Variants in LIPG observed in about 807,000 individuals in gnomAD.
The protein encoded by LIPG is endothelial lipase.
A neutral mutation model predicts 51.8 loss-of-function variants in LIPG; 34 were observed. The observed-to-expected ratio is 0.66, with a 90% CI of 0.50 to 0.87. The LOEUF (loss-of-function observed/expected upper bound fraction) is 0.87, where lower values mean the gene tolerates loss of function less well. Among genes scored for constraint, LIPG ranks in the 40% least tolerant of loss-of-function variants. LIPG has a pLI of 0.00. For missense variants in LIPG, 580 were observed against 652.7 expected (o/e 0.89, Z 1.21); for synonymous variants, 246 against 246.1 (o/e 1.00, Z 0.00).
At position 49,569,502 on chromosome 18, in the gene LIPG, C is replaced by T. The variant is rs143163964; in HGVS notation, c.525C>T (p.Ala175=). ...LIGYSLGAHV[A]GYAGNFVKGT... Reference sequence around the variant, plus strand: ...GCTACAGCCTCGGAGCGCACGTGGCCGGGTATGCAGGCAACTTCGTGAAAG... The same window carrying T: ...GCTACAGCCTCGGAGCGCACGTGGCTGGGTATGCAGGCAACTTCGTGAAAG... Residue 175 remains alanine (A), a synonymous_variant, in exon 4 of 10, where the codon GCC becomes GCT. Transcript: ENST00000261292. The T allele has an allele frequency of 1.7e-5, 28 of 1,614,052 alleles. No homozygotes were observed. The highest frequency in any genetic ancestry group is 1.6e-4 in the Middle Eastern group (1 of 6,080).
At chr18:49,569,066 T>C (rs1279820530) in intron 3 of LIPG, among the ~76,000 whole-genome samples, 3 of 152,148 alleles carry the variant, frequency 2.0e-5, no homozygotes, top group African/African-American at 7.2e-5. Context: ...CTGAGGGCTG[T>C]GGTTGGCACT....
chr18:49,591,717 C>G lies in LIPG; in HGVS notation c.*1195C>G, dbSNP rs1322809107. ...TGATTTGAATTAATACACACAATAT[C>G]TGAGACACTTACACTTTTCAAAAGA... On this transcript the variant is annotated 3_prime_UTR_variant, in exon 10 of 10. Coordinates refer to ENST00000261292, the MANE Select transcript of LIPG (RefSeq NM_006033.4). 6.6e-6 allele frequency: 1 copy of G among 152,224 alleles called. No individual in the cohort carries two copies. Among genetic ancestry groups the G allele is most frequent in the Non-Finnish European group, 1.5e-5 (1 of 68,048 alleles). 9.4% of individuals were successfully genotyped at this position (152,224 alleles called of 1,614,324 possible). A position where few individuals can be genotyped will look rare whatever the true frequency, so the allele number is the denominator to read the frequency against.
chr18:49,590,565 T>A lies in LIPG; in HGVS notation c.*43T>A. The stretch of plus-strand genomic sequence containing the variant: ...TTGCCAGCAAGGCAGCAAGACTTCC[T>A]GCTATCCAAGCCCATGGAGGAAAGT... On this transcript the variant is annotated 3_prime_UTR_variant, in exon 10 of 10. Coordinates refer to ENST00000261292, the MANE Select transcript of LIPG (RefSeq NM_006033.4). 1 of 1,574,396 alleles carries A rather than the reference T, an allele frequency of 6.4e-7. No homozygotes were observed. Among genetic ancestry groups the A allele is most frequent in the Non-Finnish European group, 8.6e-7 (1 of 1,156,494 alleles).
chr18:49,586,268 A>G (rs536595405), intron 8 of LIPG, among the ~76,000 whole-genome samples: 1 of 152,250 alleles, frequency 6.6e-6, no homozygotes, highest in South Asian at 2.1e-4. Flanking sequence ...TTTACGGAGA[A>G]GTCAACCACA....
intron 5 of LIPG, among the ~76,000 whole-genome samples, 179 bp from the exon 6 acceptor site, chr18:49,581,236 T>C (rs2084815113): frequency 6.6e-6 from 1 of 152,158 alleles, no homozygotes; most frequent in South Asian, 2.1e-4. Flanking sequence ...CACTGCACTC[T>C]AACCTGGGCA....
intron 6 of LIPG, chr18:49,581,926 G>T (rs2084824845): frequency 1.7e-6 from 1 of 596,176 alleles, no homozygotes; most frequent in Non-Finnish European, 3.0e-6. Context: ...TTTCAAAGCT[G>T]TTTCATATTT....
chr18:49,566,918 T>A (rs1333314279), intron 2 of LIPG, among the ~76,000 whole-genome samples: 1 of 152,160 alleles, frequency 6.6e-6, no homozygotes, highest in East Asian at 1.9e-4. Flanking sequence ...AGGAAAGTTT[T>A]GATGGGAAAT....
At chr18:49,567,144 C>T (rs2084613870) in intron 2 of LIPG, among the ~76,000 whole-genome samples, 1 of 152,066 alleles carries the variant, frequency 6.6e-6, no homozygotes, top group Non-Finnish European at 1.5e-5. Context: ...CAAGACCAGC[C>T]TGGGCAACAT....
chr18:49,576,217 A>G (rs1324896234), intron 5 of LIPG, among the ~76,000 whole-genome samples: 3 of 152,088 alleles, frequency 2.0e-5, no homozygotes, highest in African/African-American at 7.2e-5. Context: ...GAATAAAGCA[A>G]AAGTGCGCTC....
At chr18:49,565,248 G>C (rs898941013) in intron 1 of LIPG, 69 bp from the exon 2 acceptor site, 1 of 1,515,162 alleles carries the variant, frequency 6.6e-7, no homozygotes, top group African/African-American at 1.4e-5. Context: ...GATTGAACTA[G>C]AATCAGACCC....
rs1454027954 is a variant in LIPG, at chr18:49,593,193, G to C, written c.*2671G>C. 6.6e-6 allele frequency: 1 copy of C among 152,114 alleles called. No homozygotes were observed. Among genetic ancestry groups the C allele is most frequent in the Non-Finnish European group, 1.5e-5 (1 of 68,018 alleles). The allele number at this position is 152,114 out of a possible 1,614,324, so 9.4% of individuals were successfully genotyped here. On this transcript the variant is annotated 3_prime_UTR_variant, in exon 10 of 10. Coordinates refer to ENST00000261292, the MANE Select transcript of LIPG (RefSeq NM_006033.4). ...GGCCTCAAGTGATCCGCCTGCCTCA[G>C]CCTCTGAAAGTTCTGAGATTATAGG... is the stretch of plus-strand genomic sequence containing the variant.
In LIPG at chr18:49,564,158, C is replaced by T. The variant is rs373773628; in HGVS notation, c.98-1159C>T. On this transcript the variant is annotated intron_variant, in intron 1 of 9. Coordinates refer to ENST00000261292, the MANE Select transcript of LIPG (RefSeq NM_006033.4). ...CTCCTTTCCCCTCCGCCCTCTCCAC[C>T]ACTATATCTCTTTCCTTTTGGTATC... Among the ~76,000 whole-genome samples the T allele has an allele frequency of 3.9e-5, 6 of 152,294 alleles. No individual in the cohort carries two copies. The South Asian group carries it at 8.3e-4, about 21-fold the overall frequency.
At chr18:49,581,770 A>G in intron 6 of LIPG, 113 bp downstream of exon 6, 1 of 1,336,066 alleles carries the variant, frequency 7.5e-7, no homozygotes, top group Non-Finnish European at 1.1e-6. Context: ...AGCACAATCC[A>G]ATCAAATCGT....
At chr18:49,571,849 A>G (rs987199982) in intron 4 of LIPG, among the ~76,000 whole-genome samples, 1 of 152,152 alleles carries the variant, frequency 6.6e-6, no homozygotes, top group Non-Finnish European at 1.5e-5. Flanking sequence ...GGGGTTTGCT[A>G]GAGTTTTACT....
At chr18:49,581,091 TCTACAAAAA>T (rs1244214910) in intron 5 of LIPG, among the ~76,000 whole-genome samples, 1 of 152,074 alleles carries the variant, frequency 6.6e-6, no homozygotes, top group Admixed American at 6.5e-5. Flanking sequence ...AAACCCTGTA[TCTACAAAAA>T]CTACAAAAAT....
Position 49,565,325 on chromosome 18 carries a change from C to T in LIPG, c.106C>T (p.His36Tyr), listed in dbSNP as rs1429687003. 1 of 1,614,076 alleles carries T rather than the reference C, an allele frequency of 6.2e-7. No individual in the cohort carries two copies. The highest frequency in any genetic ancestry group is 8.5e-7 in the Non-Finnish European group (1 of 1,180,014). The change falls in exon 2 of 10, where the codon CAC becomes TAC. Residue 36 changes from histidine to tyrosine, a missense_variant. Coordinates refer to ENST00000261292, the MANE Select transcript of LIPG (RefSeq NM_006033.4). ...CTGTTCTGTCTCCCCAGATAAGCTCCACAAACCCAAAGCTACACAGACTGA... is the reference window on the plus strand; with the variant it reads ...CTGTTCTGTCTCCCCAGATAAGCTCTACAAACCCAAAGCTACACAGACTGA... ...GPEGRLEDKL[H>Y]KPKATQTEVK...
Position 49,562,339 on chromosome 18 carries a change from T to C in LIPG, c.31T>C (p.Trp11Arg). ...CAACTCCGTTCCTCTGCTCTGTTTC[T>C]GGAGCCTCTGCTATTGCTTTGCTGC... The part of the protein sequence containing the change: MSNSVPLLCF[W>R]SLCYCFAAGS... The change falls in exon 1 of 10, where the codon TGG becomes CGG. Residue 11 changes from tryptophan to arginine, a missense_variant. Trp to Arg is a moderately radical substitution (Grantham distance 101). Transcript: ENST00000261292. 6.2e-7 allele frequency: 1 copy of C among 1,613,836 alleles called. No homozygotes were observed. The highest frequency in any genetic ancestry group is 1.1e-5 in the South Asian group (1 of 91,062).
In LIPG at chr18:49,591,950, T is replaced by C. The variant is rs2084949493; in HGVS notation, c.*1428T>C. Reference sequence around the variant, plus strand: ...GACTTTTGCAGCCAGTTCCCACCAATATGCCCCAGACGTGAGACAAACAAG... The same window carrying C: ...GACTTTTGCAGCCAGTTCCCACCAACATGCCCCAGACGTGAGACAAACAAG... On this transcript the variant is annotated 3_prime_UTR_variant, in exon 10 of 10. Coordinates refer to ENST00000261292, the MANE Select transcript of LIPG (RefSeq NM_006033.4). 6.6e-6 allele frequency: 1 copy of C among 152,048 alleles called. No homozygotes were observed. Among genetic ancestry groups the C allele is most frequent in the Non-Finnish European group, 1.5e-5 (1 of 68,012 alleles). 9.4% of individuals were successfully genotyped at this position (152,048 alleles called of 1,614,324 possible).
rs1457023119 is a variant in LIPG, at chr18:49,576,472, T to C, written c.793+882T>C. On this transcript the variant is annotated intron_variant, in intron 5 of 9. Coordinates refer to ENST00000261292, the MANE Select transcript of LIPG (RefSeq NM_006033.4). ...CAGAATCTTGCTTTTTTTTTTTTTTTTTTTTTTTTTTTGAGACGGAGTTTT... is the reference window on the plus strand; with the variant it reads ...CAGAATCTTGCTTTTTTTTTTTTTTCTTTTTTTTTTTTGAGACGGAGTTTT... Among the ~76,000 whole-genome samples the C allele has an allele frequency of 2.8e-4, 34 of 120,534 alleles. 1 individual carries two copies. The South Asian group carries it at 9.5e-3, about 34-fold the overall frequency. The allele number at this position is 120,534 out of a possible 152,430, so 79.1% of individuals were successfully genotyped here. A position where few individuals can be genotyped will look rare whatever the true frequency, so the allele number is the denominator to read the frequency against.
Sources: allele counts gnomAD v4.1 joint callset (sites outside exome capture counted in the v4.1 genomes callset), GRCh38; gene constraint gnomAD v4.1.1; transcripts MANE v1.5; gene names NCBI Gene and HGNC (gene_info 2026-07-23, HGNC 2026-07-21).